The following LRFN2 variants were observed in gnomAD, a reference collection of about 807,000 sequenced individuals.
LRFN2 encodes the protein leucine-rich repeat and fibronectin type-III domain-containing protein 2.
A neutral mutation model predicts 37.3 loss-of-function variants in LRFN2; 18 were observed. That is an observed-to-expected ratio of 0.48 (90% CI 0.33 to 0.72). The LOEUF is 0.72. Ranked by LOEUF, LRFN2 falls within the 30% of genes least tolerant of loss-of-function variation. LRFN2 has a pLI of 0.02. For missense variants in LRFN2, 1,006 were observed against 1,060.7 expected (o/e 0.95, Z 0.72); for synonymous variants, 556 against 466.6 (o/e 1.19, Z -2.47).
At chr6:40,543,403 T>A (rs1561901934) in intron 1 of LRFN2, among the ~76,000 whole-genome samples, 1 of 152,224 alleles carries the variant, frequency 6.6e-6, no homozygotes, top group East Asian at 1.9e-4. Context: ...TTGACTTACA[T>A]TCAATTCCTG....
At chr6:40,524,112 G>A (rs753670497) in intron 1 of LRFN2, among the ~76,000 whole-genome samples, 4 of 152,214 alleles carry the variant, frequency 2.6e-5, no homozygotes, top group Non-Finnish European at 4.4e-5. Context: ...GGAAAACTGG[G>A]GGATAATGTC....
At chr6:40,563,387 T>C (rs79627312) in intron 1 of LRFN2, among the ~76,000 whole-genome samples, 1,977 of 152,228 alleles carry the variant, frequency 0.013, 23 homozygotes, top group Non-Finnish European at 0.022. Flanking sequence ...TTGCTGAATA[T>C]TCACTTTCTC....
intron 1 of LRFN2, among the ~76,000 whole-genome samples, chr6:40,533,233 T>C (rs1259514081): frequency 6.6e-6 from 1 of 152,196 alleles, no homozygotes; most frequent in East Asian, 1.9e-4. Flanking sequence ...CTTTTCTTTT[T>C]CTTTCCCTTG....
intron 1 of LRFN2, among the ~76,000 whole-genome samples, chr6:40,554,046 C>A (rs1274106728): frequency 6.6e-6 from 1 of 152,220 alleles, no homozygotes; most frequent in Non-Finnish European, 1.5e-5. Flanking sequence ...ACTGTCAACC[C>A]CCTTCTTCCC....
intron 1 of LRFN2, among the ~76,000 whole-genome samples, chr6:40,541,101 G>A (rs77131735): frequency 0.018 from 2,689 of 152,230 alleles, 90 homozygotes; most frequent in African/African-American, 0.061. Flanking sequence ...TAATTCTGCC[G>A]CAGCATCCCA....
At chr6:40,448,277 C>G (rs536530680) in intron 1 of LRFN2, among the ~76,000 whole-genome samples, 13 of 152,236 alleles carry the variant, frequency 8.5e-5, no homozygotes, top group Non-Finnish European at 1.6e-4. Flanking sequence ...TTGTGCTTCT[C>G]CTGCAACCCC....
intron 1 of LRFN2, among the ~76,000 whole-genome samples, chr6:40,477,232 TG>T (rs1428843055): frequency 6.6e-6 from 1 of 152,088 alleles, no homozygotes; most frequent in Non-Finnish European, 1.5e-5. Context: ...CTCATGTTGG[TG>T]GTGGTTTTCT....
intron 1 of LRFN2, among the ~76,000 whole-genome samples, chr6:40,458,105 G>A (rs1764272119): frequency 6.6e-6 from 1 of 152,186 alleles, no homozygotes; most frequent in Non-Finnish European, 1.5e-5. Context: ...TGTTACTAAA[G>A]CATAATCTAG....
intron 2 of LRFN2, among the ~76,000 whole-genome samples, chr6:40,398,324 T>A (rs1762657717): frequency 6.6e-6 from 1 of 151,784 alleles, no homozygotes; most frequent in South Asian, 2.1e-4. Context: ...GAGAATTTGG[T>A]TGAGAAACAG....
chr6:40,396,866 T>C (rs889227600), intron 2 of LRFN2, among the ~76,000 whole-genome samples: 1 of 152,182 alleles, frequency 6.6e-6, no homozygotes, highest in Admixed American at 6.5e-5. Context: ...ATAACAATAA[T>C]AACCAGTATT....
chr6:40,486,559 C>T (rs1426997088), intron 1 of LRFN2, among the ~76,000 whole-genome samples: 3 of 152,156 alleles, frequency 2.0e-5, no homozygotes, highest in African/African-American at 7.2e-5. Flanking sequence ...GGTAGAGGGT[C>T]AGAGAACTTG....
At chr6:40,579,313 C>A (rs1414628874) in intron 1 of LRFN2, among the ~76,000 whole-genome samples, 1 of 152,162 alleles carries the variant, frequency 6.6e-6, no homozygotes. Context: ...TGACATAAGT[C>A]CTCAGGCAAG....
intron 1 of LRFN2, among the ~76,000 whole-genome samples, chr6:40,509,888 G>A (rs886794366): frequency 3.4e-5 from 5 of 148,102 alleles, no homozygotes; most frequent in Non-Finnish European, 7.5e-5. Flanking sequence ...GGCTGCGTAG[G>A]TAGTGGGGGT....
chr6:40,465,583 A>G (rs990619008), intron 1 of LRFN2, among the ~76,000 whole-genome samples: 1 of 152,154 alleles, frequency 6.6e-6, no homozygotes, highest in Non-Finnish European at 1.5e-5. Flanking sequence ...AACATAAGAT[A>G]TTAATTAATT....
Position 40,432,274 on chromosome 6 carries a change from ACGCACATGCCAG to A in LRFN2, c.828_839del (p.Trp277_Arg280del), listed in dbSNP as rs1763516665. ...GCGGCTCGCACACAAACTCCTCCTC[ACGCACATGCCAG>A]AAGTAGCGACCCTTGAGGCCCCCTG... is the stretch of plus-strand genomic sequence containing the variant. On this transcript the variant is annotated inframe_deletion, in exon 2 of 3. Transcript: ENST00000338305. 6.2e-7 allele frequency: 1 copy of A among 1,613,884 alleles called. No individual in the cohort carries two copies. The highest frequency in any genetic ancestry group is 1.3e-5 in the African/African-American group (1 of 74,902).
chr6:40,555,973 C>T (rs892837910), intron 1 of LRFN2, among the ~76,000 whole-genome samples: 1 of 145,696 alleles, frequency 6.9e-6, no homozygotes, highest in Non-Finnish European at 1.5e-5. Flanking sequence ...GAACAAGAGG[C>T]GTAATGAAGA....
chr6:40,574,428 A>T (rs577911776), intron 1 of LRFN2, among the ~76,000 whole-genome samples: 1 of 152,128 alleles, frequency 6.6e-6, no homozygotes. Context: ...CCTCTCACAT[A>T]TCAACTGCTC....
At chr6:40,527,676 G>C (rs1766277305) in intron 1 of LRFN2, among the ~76,000 whole-genome samples, 1 of 152,146 alleles carries the variant, frequency 6.6e-6, no homozygotes, top group African/African-American at 2.4e-5. Flanking sequence ...TAAGGAGAAA[G>C]GTACCATAGT....
At chr6:40,415,428 G>T (rs1763074758) in intron 2 of LRFN2, among the ~76,000 whole-genome samples, 1 of 152,104 alleles carries the variant, frequency 6.6e-6, no homozygotes, top group Non-Finnish European at 1.5e-5. Flanking sequence ...GTTTCACCAT[G>T]TTGGCCAGGC....
Sources: gnomAD v4.1 joint callset for allele counts (sites outside exome capture counted in the v4.1 genomes callset) on GRCh38, gnomAD v4.1.1 for gene constraint, MANE v1.5 for transcripts, NCBI Gene and HGNC (gene_info 2026-07-23, HGNC 2026-07-21) for gene names.